The following PCDHA4 variants were observed in gnomAD, a reference collection of about 807,000 sequenced individuals.
PCDHA4 encodes protocadherin alpha 4.
PCDHA4 carries 49 observed loss-of-function variants against 61.4 expected under a neutral mutation model. The observed-to-expected ratio is 0.80, with a 90% CI of 0.63 to 1.01. The LOEUF (loss-of-function observed/expected upper bound fraction) is 1.01, where lower values mean the gene tolerates loss of function less well. PCDHA4 is among the 50% of genes least tolerant of loss of function. The pLI is 0.00. For missense variants in PCDHA4, 1,254 were observed against 1,235.8 expected (o/e 1.01, Z -0.22); for synonymous variants, 590 against 550.3 (o/e 1.07, Z -1.01).
intron 1 of PCDHA4, among the ~76,000 whole-genome samples, chr5:140,941,319 CT>C (rs70988781): frequency 0.38 from 39,984 of 104,186 alleles, 7,512 homozygotes; most frequent in East Asian, 0.57. Flanking sequence ...TCTTCTTTCT[CT>C]TTTTTTTTTT....
chr5:140,923,189 C>T (rs1452451112), intron 1 of PCDHA4, among the ~76,000 whole-genome samples: 4 of 152,092 alleles, frequency 2.6e-5, no homozygotes, highest in Admixed American at 6.5e-5. Context: ...GCATCTACTG[C>T]AGCAATTTGG....
intron 1 of PCDHA4, among the ~76,000 whole-genome samples, chr5:140,818,082 C>T (rs1766276526): frequency 6.6e-6 from 1 of 152,132 alleles, no homozygotes. Context: ...TTCAAAGCTT[C>T]TTATATCTGT....
At chr5:140,851,790 T>A in intron 1 of PCDHA4, 1 of 955,904 alleles carries the variant, frequency 1.0e-6, no homozygotes, top group Non-Finnish European at 1.3e-6. Context: ...GAGAATTCAC[T>A]TGTTCTGTCA....
At chr5:140,980,113 C>T (rs2096877031) in intron 2 of PCDHA4, among the ~76,000 whole-genome samples, 1 of 152,096 alleles carries the variant, frequency 6.6e-6, no homozygotes, top group African/African-American at 2.4e-5. Context: ...ACATTGGAAC[C>T]TGGGTCATAA....
intron 3 of PCDHA4, among the ~76,000 whole-genome samples, chr5:141,003,903 G>A (rs150270772): frequency 6.6e-6 from 1 of 152,076 alleles, no homozygotes; most frequent in Non-Finnish European, 1.5e-5. Flanking sequence ...CCATTCATTT[G>A]GGTCTTGACT....
chr5:140,863,224 G>A, intron 1 of PCDHA4: 2 of 1,143,744 alleles, frequency 1.7e-6, no homozygotes, highest in Non-Finnish European at 2.5e-6. Context: ...AGCGAGGAAG[G>A]TCCCATCGCG....
intron 1 of PCDHA4, among the ~76,000 whole-genome samples, chr5:140,961,885 C>G (rs2095640261): frequency 6.7e-6 from 1 of 149,548 alleles, no homozygotes. Context: ...TTACTTACAT[C>G]AGTTTTTTTT....
intron 1 of PCDHA4, chr5:140,822,693 A>C: frequency 6.2e-7 from 1 of 1,609,820 alleles, no homozygotes; most frequent in Non-Finnish European, 8.5e-7. Flanking sequence ...TTAACGGGGA[A>C]CTGGATTATG....
At chr5:140,856,766 A>G in intron 1 of PCDHA4, 1 of 1,596,904 alleles carries the variant, frequency 6.3e-7, no homozygotes, top group South Asian at 1.1e-5. Flanking sequence ...TAACGCCCCT[A>G]TCTTTGACAG....
intron 3 of PCDHA4, among the ~76,000 whole-genome samples, chr5:140,986,901 A>G (rs1289100953): frequency 6.6e-6 from 1 of 152,134 alleles, no homozygotes; most frequent in Non-Finnish European, 1.5e-5. Context: ...GCCCTATCCT[A>G]GACTAATGAA....
At chr5:140,838,741 G>A (rs2150292053) in intron 1 of PCDHA4, among the ~76,000 whole-genome samples, 3 of 152,088 alleles carry the variant, frequency 2.0e-5, no homozygotes, top group African/African-American at 7.2e-5. Flanking sequence ...TTTGAGACCA[G>A]CTTGTGCATC....
At chr5:140,993,621 A>G (rs531527051) in intron 3 of PCDHA4, among the ~76,000 whole-genome samples, 7 of 152,190 alleles carry the variant, frequency 4.6e-5, no homozygotes, top group African/African-American at 1.7e-4. Flanking sequence ...GGGACCCTCT[A>G]TATATAGTCG....
chr5:140,973,199 G>A (rs574187280), intron 1 of PCDHA4, among the ~76,000 whole-genome samples: 3 of 152,296 alleles, frequency 2.0e-5, no homozygotes, highest in East Asian at 3.9e-4. Context: ...CACTATGTGT[G>A]CATATTCACC....
rs372235129 is a variant in PCDHA4 at position 140,927,231 on chromosome 5, C to T, written c.2386-51718C>T. On this transcript the variant is annotated intron_variant, in intron 1 of 3. Transcript: ENST00000530339. ...TGGAGCTGCACAAGATTCGGATTCA[C>T]GTCCTGGACACCAATGACAACTCAC... 3.7e-6 allele frequency: 6 copies of T among 1,614,020 alleles called. No individual in the cohort carries two copies. In the African/African-American group the frequency reaches 4.0e-5, roughly 11 times the overall value.
intron 1 of PCDHA4, chr5:140,877,232 C>A: frequency 6.2e-6 from 10 of 1,613,680 alleles, no homozygotes; most frequent in Non-Finnish European, 7.6e-6. Context: ...TCGGTGGGTG[C>A]GGGCCACGTG....
chr5:140,974,979 C>T (rs782292099), intron 1 of PCDHA4, among the ~76,000 whole-genome samples: 6 of 152,136 alleles, frequency 3.9e-5, no homozygotes, highest in African/African-American at 7.2e-5. Context: ...CTGAGTTGTC[C>T]GCTCAGGTAT....
chr5:140,968,267 A>G, intron 1 of PCDHA4: 1 of 1,613,984 alleles, frequency 6.2e-7, no homozygotes, highest in Non-Finnish European at 8.5e-7. Flanking sequence ...TGAAAAGGAG[A>G]ATGCAGAGGT....
intron 3 of PCDHA4, among the ~76,000 whole-genome samples, chr5:140,993,762 A>G (rs1019928055): frequency 2.6e-5 from 4 of 152,204 alleles, no homozygotes; most frequent in Non-Finnish European, 4.4e-5. Flanking sequence ...TTATATTACA[A>G]TTGCGCAGTA....
intron 1 of PCDHA4, among the ~76,000 whole-genome samples, chr5:140,838,259 G>T (rs975965491): frequency 6.8e-6 from 1 of 146,930 alleles, no homozygotes; most frequent in Admixed American, 6.9e-5. Flanking sequence ...GATTAAAGAC[G>T]CCAACAACCA....
Sources: gnomAD v4.1 joint callset for allele counts (sites outside exome capture counted in the v4.1 genomes callset) on GRCh38, gnomAD v4.1.1 for gene constraint, MANE v1.5 for transcripts, NCBI Gene and HGNC (gene_info 2026-07-23, HGNC 2026-07-21) for gene names.